RIC3: variants seen among roughly 807,000 people sequenced by gnomAD.
RIC3 encodes protein RIC-3.
In RIC3, 28 loss-of-function variants were observed where a neutral mutation model predicts 27.3. The observed-to-expected ratio is 1.02, with a 90% confidence interval of 0.76 to 1.41. The LOEUF is 1.41. Ranked by LOEUF, RIC3 falls within the 40% of genes most tolerant of loss-of-function variation. The pLI, the probability that RIC3 is intolerant of heterozygous loss-of-function variation, is 0.00. For missense variants in RIC3, 501 were observed against 444.7 expected (o/e 1.13, Z -1.14); for synonymous variants, 184 against 160.4 (o/e 1.15, Z -1.11).
intron 1 of RIC3, among the ~76,000 whole-genome samples, chr11:8,158,882 G>A (rs377193316): frequency 2.0e-5 from 3 of 147,960 alleles, no homozygotes; most frequent in African/African-American, 5.0e-5. Context: ...ACAGGCATCT[G>A]CCACCATGCC....
At chr11:8,102,349 G>C (rs943601980), downstream of RIC3, 4 of 152,254 alleles carry the variant, frequency 2.6e-5, no homozygotes, top group African/African-American at 9.7e-5. Context: ...TCTCAGGGCT[G>C]TCTTGGTGGA....
chr11:8,149,314 G>T (rs1355418649), intron 1 of RIC3, among the ~76,000 whole-genome samples: 1 of 152,076 alleles, frequency 6.6e-6, no homozygotes, highest in Admixed American at 6.5e-5. Flanking sequence ...GAGGAAAGAA[G>T]ACTGTGTATA....
chr11:8,137,522 T>A, intron 3 of RIC3, 51 bp from the exon 4 acceptor site: 1 of 1,474,198 alleles, frequency 6.8e-7, no homozygotes, highest in Non-Finnish European at 9.4e-7. Context: ...TCCCTAAACC[T>A]GTTAAAGAGA....
rs118181452 is a variant in RIC3 at position 8,110,511 on chromosome 11, G to C, written c.*187C>G. On this transcript the variant is annotated 3_prime_UTR_variant, in exon 6 of 6. Transcript: ENST00000309737. ...GAAGCTGTCCTGTGTTCACACTAATGTCCGTGTTTTACAAGGTGACAGGTG... is the reference window on the plus strand; with the variant it reads ...GAAGCTGTCCTGTGTTCACACTAATCTCCGTGTTTTACAAGGTGACAGGTG... 1 of 682,228 alleles carries C rather than the reference G, an allele frequency of 1.5e-6. No individual in the cohort carries two copies. The highest frequency in any genetic ancestry group is 2.7e-6 in the Non-Finnish European group (1 of 376,526). The allele number at this position is 682,228 out of a possible 1,614,324, so 42.3% of individuals were successfully genotyped here.
chr11:8,146,512 A>C (rs1949695375), intron 1 of RIC3, among the ~76,000 whole-genome samples: 1 of 152,144 alleles, frequency 6.6e-6, no homozygotes, highest in African/African-American at 2.4e-5. Context: ...AACTGCCTTT[A>C]AGTTGTCGAT....
At chr11:8,149,136 T>A (rs1329740777) in intron 1 of RIC3, among the ~76,000 whole-genome samples, 1 of 151,358 alleles carries the variant, frequency 6.6e-6, no homozygotes, top group Admixed American at 6.6e-5. Flanking sequence ...GAGCTTGCAG[T>A]GTGCCAAGAT....
intron 1 of RIC3, among the ~76,000 whole-genome samples, chr11:8,159,176 T>C (rs1019655942): frequency 1.3e-5 from 2 of 152,072 alleles, no homozygotes; most frequent in African/African-American, 4.8e-5. Flanking sequence ...CATCAGGAAA[T>C]GCAGTTTGAG....
At chr11:8,101,068 C>T (rs1364232916), downstream of RIC3, 2 of 1,539,654 alleles carry the variant, frequency 1.3e-6, no homozygotes, top group African/African-American at 1.4e-5. Context: ...GTTCAGCCCA[C>T]CTAGCCCTGC....
At chr11:8,130,158 G>GT (rs1947513142) in intron 4 of RIC3, among the ~76,000 whole-genome samples, 1 of 152,032 alleles carries the variant, frequency 6.6e-6, no homozygotes, top group East Asian at 1.9e-4. Context: ...AAAGATTAAC[G>GT]TGAGCCATCC....
intron 1 of RIC3, 139 bp downstream of exon 1, chr11:8,168,727 C>G (rs1171939993): frequency 7.8e-7 from 1 of 1,284,992 alleles, no homozygotes; most frequent in African/African-American, 1.5e-5. Flanking sequence ...CCCTTCAACG[C>G]CGTCTCGCCC....
At position 8,126,717 on chromosome 11, in the gene RIC3, A is replaced by G. The variant is rs1428731243; in HGVS notation, c.612T>C (p.Ile204=). 4.3e-6 allele frequency: 7 copies of G among 1,614,036 alleles called. No individual in the cohort carries two copies. The Admixed American group carries it at 5.0e-5, about 12-fold the overall frequency. The change falls in exon 5 of 6, where the codon ATT becomes ATC. Residue 204 remains isoleucine, a synonymous_variant. Transcript: ENST00000309737. ...ITRVMKEGKF[I]DRFSPEKEAE... ...CTTCTTTCTCTGGAGAAAATCTGTCAATGAATTTTCCTTCTTTCATGACCC... is the reference window on the plus strand; with the variant it reads ...CTTCTTTCTCTGGAGAAAATCTGTCGATGAATTTTCCTTCTTTCATGACCC...
chr11:8,149,665 G>A (rs1950045737), intron 1 of RIC3, among the ~76,000 whole-genome samples: 1 of 152,142 alleles, frequency 6.6e-6, no homozygotes, highest in South Asian at 2.1e-4. Flanking sequence ...AAAATTCTAA[G>A]CCCACCAACT....
chr11:8,155,029 G>C (rs1053310684), intron 1 of RIC3, among the ~76,000 whole-genome samples: 16 of 151,950 alleles, frequency 1.1e-4, no homozygotes, highest in African/African-American at 3.6e-4. Context: ...GACCAGTCTG[G>C]GCAAGATGGC....
chr11:8,160,378 G>GT (rs929436929), intron 1 of RIC3, among the ~76,000 whole-genome samples: 4 of 152,154 alleles, frequency 2.6e-5, no homozygotes, highest in Non-Finnish European at 5.9e-5. Flanking sequence ...TTAACAAAAA[G>GT]TTTTTTAAAA....
intron 1 of RIC3, among the ~76,000 whole-genome samples, chr11:8,153,952 T>C (rs1202622360): frequency 2.0e-5 from 3 of 152,160 alleles, no homozygotes; most frequent in Non-Finnish European, 4.4e-5. Flanking sequence ...TTGGCAAAGA[T>C]TTCTCTTCTC....
chr11:8,110,087 C>T lies in RIC3; in HGVS notation c.*611G>A, dbSNP rs1464377219. Reference sequence around the variant, plus strand: ...GGCTCATTCTCAGATCAGTGGGAGTCTTCCCTACTCTGGAGAAAAGAGGAT... The same window carrying T: ...GGCTCATTCTCAGATCAGTGGGAGTTTTCCCTACTCTGGAGAAAAGAGGAT... On this transcript the variant is annotated 3_prime_UTR_variant, in exon 6 of 6. Coordinates refer to ENST00000309737, the MANE Select transcript of RIC3 (RefSeq NM_001206671.4). The T allele has an allele frequency of 6.2e-6, 1 of 161,984 alleles. No individual in the cohort carries two copies. Among genetic ancestry groups the T allele is most frequent in the Non-Finnish European group, 1.4e-5 (1 of 73,726 alleles). 10.0% of individuals were successfully genotyped at this position (161,984 alleles called of 1,614,324 possible).
intron 5 of RIC3, among the ~76,000 whole-genome samples, chr11:8,117,245 T>G (rs556836286): frequency 6.6e-6 from 1 of 152,266 alleles, no homozygotes; most frequent in South Asian, 2.1e-4. Context: ...TTTTGTATTT[T>G]GTGGAGACAG....
chr11:8,097,968 A>G, the RIC3 span: 2 of 666,604 alleles, frequency 3.0e-6, no homozygotes, highest in Non-Finnish European at 5.2e-6. Context: ...AATCACATCC[A>G]ACTGGAGGCC....
intron 1 of RIC3, 121 bp downstream of exon 1, chr11:8,168,745 C>A: frequency 7.2e-7 from 1 of 1,393,930 alleles, no homozygotes. Context: ...CCCGCCCTCT[C>A]CAGTCAGTTT....
Sources: allele counts gnomAD v4.1 joint callset (sites outside exome capture counted in the v4.1 genomes callset), GRCh38; gene constraint gnomAD v4.1.1; transcripts MANE v1.5; gene names NCBI Gene and HGNC (gene_info 2026-07-23, HGNC 2026-07-21).